The following C5 variants were observed in gnomAD, a reference collection of about 807,000 sequenced individuals.
The protein encoded by C5 is complement C5.
C5 carries 140 observed loss-of-function variants against 218.8 expected under a neutral mutation model. The observed-to-expected ratio is 0.64, with a 90% CI of 0.56 to 0.74. The LOEUF (loss-of-function observed/expected upper bound fraction) is 0.74, where lower values mean the gene tolerates loss of function less well. C5 is among the 30% of genes least tolerant of loss of function. The probability of loss-of-function intolerance (pLI) is 0.00; values close to 1 mark genes in which losing one functional copy is unlikely to be tolerated. For synonymous variants in C5, 614 were observed against 682.3 expected (o/e 0.90, Z 1.56); for missense variants, 1,700 against 1,969.6 (o/e 0.86, Z 2.59).
chr9:120,957,059 A>T, intron 39 of C5: 1 of 440,092 alleles, frequency 2.3e-6, no homozygotes, highest in Non-Finnish European at 4.2e-6. Flanking sequence ...ACAATTACGC[A>T]ATTGAAAAAA....
chr9:120,957,227 C>A (rs759706179), intron 39 of C5, 58 bp downstream of exon 39: 12 of 1,130,156 alleles, frequency 1.1e-5, no homozygotes, highest in Middle Eastern at 2.0e-4. Flanking sequence ...ATGCCTGGCA[C>A]ATAGTCAGTA....
intron 29 of C5, 55 bp downstream of exon 29, chr9:120,976,645 G>T: frequency 2.1e-6 from 3 of 1,401,522 alleles, no homozygotes; most frequent in Non-Finnish European, 2.0e-6. Context: ...TGAGTGTGGT[G>T]GGGGAGAAAA....
In C5 at chr9:120,989,574, T is replaced by C; in HGVS notation, c.3148A>G (p.Lys1050Glu). 6.3e-7 allele frequency: 1 copy of C among 1,596,446 alleles called. No individual in the cohort carries two copies. The highest frequency in any genetic ancestry group is 8.6e-7 in the Non-Finnish European group (1 of 1,167,652). Residue 1050 changes from lysine (K) to glutamate (E), a missense_variant, in exon 24 of 41, where the codon AAA becomes GAA. By Grantham distance (56) the Lys-to-Glu change is moderately conservative. Transcript: ENST00000223642. ...IEKQKLKKKL[K>E]EGMLSIMSYR... ...AAATACTTTTTTTTTTTACCTTCTT[T>C]TAATTTTTTCTTCAGTTTCTGCTTT... is the stretch of plus-strand genomic sequence containing the variant.
Position 121,027,141 on chromosome 9 carries a change from C to A in C5, c.873+19G>T. 7.6e-7 allele frequency: 1 copy of A among 1,321,430 alleles called. No homozygotes were observed. The highest frequency in any genetic ancestry group is 1.2e-5 in the South Asian group (1 of 82,386). The allele number at this position is 1,321,430 out of a possible 1,614,324, so 81.9% of individuals were successfully genotyped here. ...TGGATGCATCTGTAGGTGTGAGTGA[C>A]TGTGTCTTAACATCTTACCATTGTG... is the stretch of plus-strand genomic sequence containing the variant. On this transcript the variant is annotated intron_variant, in intron 8 of 40. Transcript: ENST00000223642.
At chr9:121,018,182 G>A (rs2047325321) in intron 12 of C5, among the ~76,000 whole-genome samples, 1 of 149,522 alleles carries the variant, frequency 6.7e-6, no homozygotes, top group Admixed American at 6.7e-5. Flanking sequence ...GAGCCCGAGA[G>A]GTGAAGTTTG....
chr9:120,997,405 A>G, intron 21 of C5, 142 bp downstream of exon 21: 1 of 680,098 alleles, frequency 1.5e-6, no homozygotes, highest in Non-Finnish European at 2.5e-6. Flanking sequence ...AATAGTACAA[A>G]AAAAATCTGG....
At chr9:121,036,866 T>C (rs1264836434) in intron 4 of C5, among the ~76,000 whole-genome samples, 1 of 152,146 alleles carries the variant, frequency 6.6e-6, no homozygotes, top group Non-Finnish European at 1.5e-5. Context: ...TGATAAGTTT[T>C]TATTTTTATT....
chr9:120,960,240 G>GAA lies in C5; in HGVS notation c.4678+6_4678+7dup, dbSNP rs2046816839. 6.3e-7 allele frequency: 1 copy of GAA among 1,588,912 alleles called. No homozygotes were observed. Among genetic ancestry groups the GAA allele is most frequent in the Non-Finnish European group, 8.6e-7 (1 of 1,157,794 alleles). ...TTTAAAGGAGCTATATTGAACTTTT[G>GAA]AACTCACCATATGCAATCTCTGGTT... is the stretch of plus-strand genomic sequence containing the variant. On this transcript the variant is annotated splice_region_variant and intron_variant, in intron 38 of 40. Coordinates refer to ENST00000223642, the MANE Select transcript of C5 (RefSeq NM_001735.3).
At chr9:121,012,893 C>T (rs2047273370) in intron 17 of C5, among the ~76,000 whole-genome samples, 2 of 152,082 alleles carry the variant, frequency 1.3e-5, no homozygotes, top group African/African-American at 2.4e-5. Context: ...AGGAAAGGTA[C>T]AGAAAAAATA....
chr9:120,988,744 T>C (rs2047053105), intron 25 of C5, among the ~76,000 whole-genome samples: 1 of 152,170 alleles, frequency 6.6e-6, no homozygotes. Context: ...GTTGAGTATA[T>C]ACTGAAGAGG....
At chr9:120,959,484 C>T (rs1423493055) in intron 38 of C5, among the ~76,000 whole-genome samples, 1 of 152,090 alleles carries the variant, frequency 6.6e-6, no homozygotes, top group Non-Finnish European at 1.5e-5. Flanking sequence ...TGGTCTCAAA[C>T]TCCTGACCTC....
At chr9:120,974,967 G>C (rs761015199) in intron 29 of C5, 36 bp from the exon 30 acceptor site, 1 of 1,610,862 alleles carries the variant, frequency 6.2e-7, no homozygotes, top group East Asian at 2.2e-5. Flanking sequence ...AATATGTTTA[G>C]TTTATTTATG....
intron 26 of C5, 56 bp from the exon 27 acceptor site, chr9:120,981,995 G>T: frequency 8.8e-7 from 1 of 1,139,480 alleles, no homozygotes; most frequent in South Asian, 1.2e-5. Context: ...AAGGCGAAAT[G>T]ACCTGATTCT....
At position 121,019,967 on chromosome 9, in the gene C5, T is replaced by C. The variant is rs1319559717; in HGVS notation, c.1506+9A>G. 6.6e-7 allele frequency: 1 copy of C among 1,518,936 alleles called. No homozygotes were observed. Among genetic ancestry groups the C allele is most frequent in the Non-Finnish European group, 9.1e-7 (1 of 1,093,556 alleles). 94.1% of individuals were successfully genotyped at this position (1,518,936 alleles called of 1,614,324 possible). A position where few individuals can be genotyped will look rare whatever the true frequency, so the allele number is the denominator to read the frequency against. ...GGAATAAGATGTAAATCCATCATTA[T>C]GTACTTACCAAGTAATTATAGTGAG... On this transcript the variant is annotated intron_variant, in intron 12 of 40. Transcript: ENST00000223642.
chr9:121,046,161 A>G, intron 2 of C5, 30 bp downstream of exon 2: 2 of 1,125,254 alleles, frequency 1.8e-6, no homozygotes, highest in Non-Finnish European at 2.6e-6. Context: ...CTGTATATAT[A>G]TATAAAGAAA....
intron 22 of C5, 100 bp downstream of exon 22, chr9:120,996,140 T>C (rs901151224): frequency 9.3e-6 from 9 of 968,746 alleles, no homozygotes; most frequent in Non-Finnish European, 1.5e-5. Context: ...CTACTGATTT[T>C]AGACAATTCA....
At chr9:121,064,176 T>G in the C5 span, among the ~76,000 whole-genome samples, 1 of 152,274 alleles carries the variant, frequency 6.6e-6, no homozygotes, top group East Asian at 1.9e-4. Context: ...CATTTCCATT[T>G]CTTTTCTCTG....
intron 38 of C5, among the ~76,000 whole-genome samples, chr9:120,958,837 C>T (rs930085380): frequency 1.3e-5 from 2 of 152,070 alleles, no homozygotes; most frequent in African/African-American, 4.8e-5. Flanking sequence ...CACTCTGTCA[C>T]TCAGGCTGGA....
chr9:120,971,047 C>T (rs932313637), intron 31 of C5, among the ~76,000 whole-genome samples: 2 of 151,834 alleles, frequency 1.3e-5, no homozygotes, highest in Non-Finnish European at 2.9e-5. Context: ...TGGCATGTGC[C>T]TGTAATCCCA....
Sources: allele counts gnomAD v4.1 joint callset (sites outside exome capture counted in the v4.1 genomes callset), GRCh38; gene constraint gnomAD v4.1.1; transcripts MANE v1.5; gene names NCBI Gene and HGNC (gene_info 2026-07-23, HGNC 2026-07-21).